LYPD6: variants seen among roughly 807,000 people sequenced by gnomAD.
LYPD6 encodes the protein LY6/PLAUR domain containing 6.
In LYPD6, 15 loss-of-function variants were observed where a neutral mutation model predicts 22.7. The ratio of observed to expected loss-of-function variants is 0.66; its 90% CI spans 0.44 to 1.02. The LOEUF is 1.02. Ranked by LOEUF, LYPD6 falls within the 50% of genes least tolerant of loss-of-function variation. The pLI is 0.00. For synonymous variants in LYPD6, 72 were observed against 77.5 expected (o/e 0.93, Z 0.37); for missense variants, 189 against 208.4 (o/e 0.91, Z 0.57).
rs570753354 is a variant in LYPD6 at position 149,408,021 on chromosome 2, A to G, written c.-71-29617A>G. Among the ~76,000 whole-genome samples, 6 of 152,292 alleles carry G rather than the reference A, an allele frequency of 3.9e-5. 1 individual carries two copies. The East Asian group carries it at 1.2e-3, about 29-fold the overall frequency. ...CACTCCAGACCCTGTTTGCCTGGGT[A>G]TCAGCAGCGGTGTTTGCAAAACCGC... On this transcript the variant is annotated intron_variant, in intron 1 of 4. Coordinates refer to ENST00000334166, the MANE Select transcript of LYPD6 (RefSeq NM_194317.5).
In LYPD6 at chr2:149,464,711, A is replaced by C. The variant is rs576395839; in HGVS notation, c.218-3934A>C. 4.6e-5 allele frequency among the ~76,000 whole-genome samples: 7 copies of C among 152,254 alleles called. No individual in the cohort carries two copies. In the South Asian group the frequency reaches 1.5e-3, roughly 32 times the overall value. ...CATGCTTTTGTGCGTGGCGGGTTGC[A>C]TGTCAGAGACAAAACAAGAAACAAT... On this transcript the variant is annotated intron_variant, in intron 3 of 4. Transcript: ENST00000334166.
At chr2:149,365,526 T>A (rs1352101359) in intron 1 of LYPD6, among the ~76,000 whole-genome samples, 3 of 151,636 alleles carry the variant, frequency 2.0e-5, no homozygotes, top group African/African-American at 4.8e-5. Flanking sequence ...TTATTAAGGA[T>A]TTTTTTTTCA....
chr2:149,478,425 T>C (rs1183590961), downstream of LYPD6, among the ~76,000 whole-genome samples: 2 of 150,838 alleles, frequency 1.3e-5, no homozygotes, highest in African/African-American at 5.0e-5. Flanking sequence ...TGGTTTTTTT[T>C]ATTTTTTATT....
At chr2:149,377,357 G>A (rs575818683) in intron 1 of LYPD6, among the ~76,000 whole-genome samples, 4 of 152,012 alleles carry the variant, frequency 2.6e-5, no homozygotes, top group African/African-American at 9.6e-5. Flanking sequence ...GTTGAAGTGG[G>A]CACCGCACAC....
intron 1 of LYPD6, among the ~76,000 whole-genome samples, chr2:149,375,810 G>A (rs908010432): frequency 3.3e-5 from 5 of 152,194 alleles, no homozygotes; most frequent in Non-Finnish European, 5.9e-5. Context: ...ACAAGAGTAC[G>A]TCTGGGATGA....
chr2:149,426,889 C>T (rs565252118), intron 1 of LYPD6, among the ~76,000 whole-genome samples: 1 of 152,276 alleles, frequency 6.6e-6, no homozygotes, highest in South Asian at 2.1e-4. Context: ...AATCTTCATG[C>T]CAGCCCTCTA....
chr2:149,472,089 T>C lies in LYPD6; in HGVS notation c.*1239T>C, dbSNP rs1681349090. The C allele has an allele frequency of 6.6e-6, 1 of 152,316 alleles. No homozygotes were observed. The highest frequency in any genetic ancestry group is 1.5e-5 in the Non-Finnish European group (1 of 68,038). 9.4% of individuals were successfully genotyped at this position (152,316 alleles called of 1,614,324 possible). On this transcript the variant is annotated 3_prime_UTR_variant, in exon 5 of 5. Coordinates refer to ENST00000334166, the MANE Select transcript of LYPD6 (RefSeq NM_194317.5). ...CCAAGTTACAATTTTTCTTCTTCCT[T>C]GTAAATAATTTAAACAGTATTTATT...
At chr2:149,348,061 C>CAAAAAAAAAA (rs58228847) in intron 1 of LYPD6, among the ~76,000 whole-genome samples, 831 of 76,116 alleles carry the variant, frequency 0.011, 1 homozygote, top group Middle Eastern at 0.023. Flanking sequence ...ACTAAAAATA[C>CAAAAAAAAAA]AAAAAAAAAA....
In LYPD6 at chr2:149,459,917, ATT is replaced by A. The variant is rs1681049914; in HGVS notation, c.218-8727_218-8726del. Among the ~76,000 whole-genome samples, 5 of 146,400 alleles carry A rather than the reference ATT, an allele frequency of 3.4e-5. No individual in the cohort carries two copies. The South Asian group carries it at 1.1e-3, about 32-fold the overall frequency. ...ACTTTGTCTCAAAAAAAAAAAAAAAATTATTACAAACAAGTGAAGGTATTAGG... is the reference window on the plus strand; with the variant it reads ...ACTTTGTCTCAAAAAAAAAAAAAAAAATTACAAACAAGTGAAGGTATTAGG... On this transcript the variant is annotated intron_variant, in intron 3 of 4. Coordinates refer to ENST00000334166, the MANE Select transcript of LYPD6 (RefSeq NM_194317.5).
At chr2:149,485,813 C>T in the LYPD6 span, among the ~76,000 whole-genome samples, 1 of 152,100 alleles carries the variant, frequency 6.6e-6, no homozygotes, top group Non-Finnish European at 1.5e-5. Flanking sequence ...AAGATGGGAA[C>T]ATTAAAACAC....
chr2:149,436,020 T>G (rs1207725477), intron 1 of LYPD6, among the ~76,000 whole-genome samples: 1 of 152,230 alleles, frequency 6.6e-6, no homozygotes, highest in Non-Finnish European at 1.5e-5. Flanking sequence ...TTTGAACAAT[T>G]GCTTGCACCC....
At chr2:149,421,644 G>C (rs1683083889) in intron 1 of LYPD6, among the ~76,000 whole-genome samples, 1 of 151,956 alleles carries the variant, frequency 6.6e-6, no homozygotes, top group South Asian at 2.1e-4. Context: ...GTTAATTGTT[G>C]CTGTTATTTT....
intron 2 of LYPD6, among the ~76,000 whole-genome samples, chr2:149,444,160 G>A (rs1683629596): frequency 6.6e-6 from 1 of 152,150 alleles, no homozygotes; most frequent in East Asian, 1.9e-4. Flanking sequence ...TCTCGAACTT[G>A]TGAGCTCTAG....
At chr2:149,338,821 G>C (rs1054124112) in intron 1 of LYPD6, among the ~76,000 whole-genome samples, 1 of 152,144 alleles carries the variant, frequency 6.6e-6, no homozygotes, top group Admixed American at 6.5e-5. Flanking sequence ...GCTTAATAAG[G>C]CACTGTAGTC....
chr2:149,345,306 A>ATT (rs3073147), intron 1 of LYPD6, among the ~76,000 whole-genome samples: 66,092 of 127,124 alleles, frequency 0.52, 18,145 homozygotes, highest in East Asian at 0.75. Context: ...CTTAATTTAA[A>ATT]TTTTTTTTTT....
chr2:149,384,578 C>T (rs114621588), intron 1 of LYPD6, among the ~76,000 whole-genome samples: 120 of 152,224 alleles, frequency 7.9e-4, no homozygotes, highest in Non-Finnish European at 1.5e-3. Flanking sequence ...GAGGTGTGCT[C>T]GTGTTGGCAC....
intron 1 of LYPD6, among the ~76,000 whole-genome samples, chr2:149,354,606 G>T (rs1161445692): frequency 6.6e-6 from 1 of 152,076 alleles, no homozygotes; most frequent in Admixed American, 6.6e-5. Flanking sequence ...GCTTTCTATG[G>T]CCCCATTATT....
chr2:149,452,647 C>T (rs957723582), intron 3 of LYPD6, among the ~76,000 whole-genome samples: 1 of 152,154 alleles, frequency 6.6e-6, no homozygotes, highest in African/African-American at 2.4e-5. Context: ...TCTAAGTATT[C>T]AATCTTATAA....
intron 1 of LYPD6, among the ~76,000 whole-genome samples, chr2:149,384,043 A>G (rs1049622566): frequency 6.6e-6 from 1 of 152,180 alleles, no homozygotes; most frequent in African/African-American, 2.4e-5. Flanking sequence ...TCAAGGGTAG[A>G]GGCTATCTTT....
Sources: gnomAD v4.1 joint callset for allele counts (sites outside exome capture counted in the v4.1 genomes callset) on GRCh38, gnomAD v4.1.1 for gene constraint, MANE v1.5 for transcripts, NCBI Gene and HGNC (gene_info 2026-07-23, HGNC 2026-07-21) for gene names.